The following NEK11 variants were observed in gnomAD, a reference collection of about 807,000 sequenced individuals.
NEK11 encodes serine/threonine-protein kinase Nek11.
In NEK11, 72 loss-of-function variants were observed where a neutral mutation model predicts 80.7. That is an observed-to-expected ratio of 0.89 (90% CI 0.74 to 1.08). The LOEUF is 1.08. NEK11 is among the 50% of genes least tolerant of loss of function. The pLI, the probability that NEK11 is intolerant of heterozygous loss-of-function variation, is 0.00. For missense variants in NEK11, 764 were observed against 763.6 expected (o/e 1.00, Z -0.01); for synonymous variants, 251 against 260.7 (o/e 0.96, Z 0.36).
chr3:131,163,635 A>G (rs1378375510), intron 11 of NEK11, among the ~76,000 whole-genome samples: 1 of 152,172 alleles, frequency 6.6e-6, no homozygotes, highest in Non-Finnish European at 1.5e-5. Flanking sequence ...TTCAGACAGG[A>G]GAAATAAGTT....
chr3:131,141,734 AAAGGACATGG>A (rs1244200016), intron 7 of NEK11, among the ~76,000 whole-genome samples: 1 of 152,170 alleles, frequency 6.6e-6, no homozygotes, highest in African/African-American at 2.4e-5. Flanking sequence ...AAATGGTATG[AAAGGACATGG>A]AAGCATGAGA....
intron 10 of NEK11, among the ~76,000 whole-genome samples, chr3:131,161,644 A>T (rs775292488): frequency 6.6e-6 from 1 of 152,178 alleles, no homozygotes; most frequent in Non-Finnish European, 1.5e-5. Flanking sequence ...GAACACATGG[A>T]CACATAGAGG....
chr3:131,294,815 A>G (rs2096576669), intron 17 of NEK11, among the ~76,000 whole-genome samples: 1 of 152,052 alleles, frequency 6.6e-6, no homozygotes, highest in Non-Finnish European at 1.5e-5. Flanking sequence ...TGACCCCTTT[A>G]TTACTATGTA....
chr3:131,338,262 G>C (rs1208464600), intron 17 of NEK11, among the ~76,000 whole-genome samples: 1 of 127,020 alleles, frequency 7.9e-6, no homozygotes, highest in Non-Finnish European at 1.7e-5. Context: ...ACGGCGCCCA[G>C]CTGGTTTTTT....
chr3:131,120,087 A>G (rs933348691), intron 5 of NEK11, among the ~76,000 whole-genome samples: 7 of 152,108 alleles, frequency 4.6e-5, no homozygotes, highest in Non-Finnish European at 8.8e-5. Context: ...TGGTCTTTAC[A>G]ATTTGGCATG....
At chr3:131,073,360 A>G (rs925156169) in intron 3 of NEK11, among the ~76,000 whole-genome samples, 2 of 152,200 alleles carry the variant, frequency 1.3e-5, no homozygotes, top group Non-Finnish European at 2.9e-5. Context: ...TTGTTATAGT[A>G]CCAGCACTGA....
chr3:131,173,633 G>A (rs1341211192), intron 14 of NEK11, among the ~76,000 whole-genome samples: 1 of 151,504 alleles, frequency 6.6e-6, no homozygotes, highest in Non-Finnish European at 1.5e-5. Context: ...TGACTTGTAA[G>A]AAACAGAAAA....
chr3:131,162,365 T>C (rs769228648), intron 10 of NEK11, 43 bp from the exon 11 acceptor site: 22 of 1,595,044 alleles, frequency 1.4e-5, no homozygotes, highest in Non-Finnish European at 8.5e-6. Context: ...TTTCTGAACA[T>C]GTTTGGGATG....
At chr3:131,148,816 A>G (rs555009469) in intron 7 of NEK11, among the ~76,000 whole-genome samples, 6 of 151,916 alleles carry the variant, frequency 3.9e-5, no homozygotes, top group African/African-American at 7.2e-5. Context: ...GGTGTTAAGC[A>G]TAGTACAAAA....
chr3:131,267,332 G>A (rs532459704), intron 16 of NEK11, among the ~76,000 whole-genome samples: 3 of 152,304 alleles, frequency 2.0e-5, no homozygotes, highest in African/African-American at 4.8e-5. Context: ...GGTACTGGTC[G>A]TTCCTTTCCA....
At chr3:131,166,722 C>T (rs953165756) in intron 12 of NEK11, among the ~76,000 whole-genome samples, 1 of 152,162 alleles carries the variant, frequency 6.6e-6, no homozygotes, top group African/African-American at 2.4e-5. Flanking sequence ...TGGGTTCTTT[C>T]CTGCTCAGGG....
intron 3 of NEK11, among the ~76,000 whole-genome samples, chr3:131,049,499 A>G (rs576609033): frequency 1.1e-4 from 17 of 152,344 alleles, no homozygotes; most frequent in African/African-American, 3.8e-4. Context: ...TTTAGATGAC[A>G]ATTTACAAAA....
chr3:131,318,763 A>T (rs1434471056), intron 17 of NEK11, among the ~76,000 whole-genome samples: 1 of 146,168 alleles, frequency 6.8e-6, no homozygotes, highest in Non-Finnish European at 1.5e-5. Context: ...ATATATTTAT[A>T]AAACAGTTGA....
intron 14 of NEK11, among the ~76,000 whole-genome samples, chr3:131,180,317 A>G (rs1265780148): frequency 6.6e-6 from 1 of 152,228 alleles, no homozygotes; most frequent in African/African-American, 2.4e-5. Flanking sequence ...TATCTTAGTT[A>G]CCTGACTCTG....
intron 17 of NEK11, among the ~76,000 whole-genome samples, chr3:131,333,999 A>T (rs1466556833): frequency 3.3e-5 from 5 of 152,240 alleles, no homozygotes; most frequent in African/African-American, 9.6e-5. Context: ...AGAGACTTAG[A>T]CTCCCACACA....
chr3:131,187,537 C>T (rs2093645697), intron 14 of NEK11, among the ~76,000 whole-genome samples: 1 of 152,146 alleles, frequency 6.6e-6, no homozygotes, highest in East Asian at 1.9e-4. Context: ...CAACATGTGT[C>T]AATAACTCTT....
At chr3:131,180,422 C>T (rs1267134382) in intron 14 of NEK11, among the ~76,000 whole-genome samples, 3 of 152,104 alleles carry the variant, frequency 2.0e-5, no homozygotes, top group Admixed American at 1.3e-4. Context: ...TATTCTTTTA[C>T]AAAATAATAT....
chr3:131,260,655 G>T (rs2095900577), intron 16 of NEK11, among the ~76,000 whole-genome samples: 1 of 152,128 alleles, frequency 6.6e-6, no homozygotes, highest in South Asian at 2.1e-4. Flanking sequence ...AAGGTTTGCT[G>T]ACCTTGATCT....
intron 4 of NEK11, among the ~76,000 whole-genome samples, chr3:131,091,080 A>G (rs2076668783): frequency 6.6e-6 from 1 of 152,226 alleles, no homozygotes; most frequent in East Asian, 1.9e-4. Flanking sequence ...ATTAAAGAAC[A>G]CAGTAAATGC....
Sources: gnomAD v4.1 joint callset for allele counts (sites outside exome capture counted in the v4.1 genomes callset) on GRCh38, gnomAD v4.1.1 for gene constraint, MANE v1.5 for transcripts, NCBI Gene and HGNC (gene_info 2026-07-23, HGNC 2026-07-21) for gene names.